HS6ST3: variants seen among roughly 807,000 people sequenced by gnomAD.
HS6ST3 encodes the protein heparan sulfate 6-O-sulfotransferase 3.
A neutral mutation model predicts 36.7 loss-of-function variants in HS6ST3; 12 were observed. The observed-to-expected ratio is 0.33, with a 90% CI of 0.21 to 0.53. The LOEUF is 0.53. HS6ST3 is among the 20% of genes least tolerant of loss of function. HS6ST3 has a pLI of 0.95. For missense variants in HS6ST3, 584 were observed against 640.9 expected, an observed-to-expected ratio of 0.91 and a Z score of 0.96; for synonymous variants, 240 against 257.5, an observed-to-expected ratio of 0.93 and a Z score of 0.65.
chr13:96,708,176 T>C (rs1449554809), intron 1 of HS6ST3, among the ~76,000 whole-genome samples: 43 of 152,220 alleles, frequency 2.8e-4, no homozygotes, highest in Admixed American at 2.7e-3. Flanking sequence ...GGACTCTGGT[T>C]TACATGTTCG....
intron 1 of HS6ST3, among the ~76,000 whole-genome samples, chr13:96,440,820 G>T (rs867047528): frequency 2.6e-4 from 40 of 152,146 alleles, no homozygotes; most frequent in African/African-American, 9.7e-4. Flanking sequence ...TTGACAGTGA[G>T]AAATGCAGAG....
intron 1 of HS6ST3, among the ~76,000 whole-genome samples, chr13:96,652,120 G>T (rs1428559688): frequency 6.6e-6 from 1 of 151,806 alleles, no homozygotes; most frequent in Non-Finnish European, 1.5e-5. Context: ...ACACACATCT[G>T]TGTATAAAAT....
intron 1 of HS6ST3, among the ~76,000 whole-genome samples, chr13:96,174,061 G>A (rs2054201515): frequency 6.6e-6 from 1 of 152,030 alleles, no homozygotes; most frequent in Non-Finnish European, 1.5e-5. Context: ...CAGTTCCTTG[G>A]TGCTCTGGGA....
At chr13:96,404,984 A>G (rs779599038) in intron 1 of HS6ST3, among the ~76,000 whole-genome samples, 12 of 152,162 alleles carry the variant, frequency 7.9e-5, no homozygotes, top group Non-Finnish European at 1.8e-4. Flanking sequence ...GTTTCTCTGC[A>G]CAAGTTCTCC....
intron 1 of HS6ST3, among the ~76,000 whole-genome samples, chr13:96,685,317 A>G (rs1031671278): frequency 4.6e-5 from 7 of 152,126 alleles, no homozygotes; most frequent in African/African-American, 1.4e-4. Context: ...GTTTCTTGTC[A>G]TATAAAATAC....
At chr13:96,391,487 T>A (rs1274401181) in intron 1 of HS6ST3, among the ~76,000 whole-genome samples, 1 of 152,196 alleles carries the variant, frequency 6.6e-6, no homozygotes, top group Non-Finnish European at 1.5e-5. Context: ...CACTTTGCCT[T>A]CTTGCTTCAG....
At chr13:96,275,176 A>C (rs1640615354) in intron 1 of HS6ST3, among the ~76,000 whole-genome samples, 1 of 152,212 alleles carries the variant, frequency 6.6e-6, no homozygotes, top group South Asian at 2.1e-4. Flanking sequence ...AACAGCCTTC[A>C]GGGTCAACAT....
chr13:96,682,995 G>A (rs2056723469), intron 1 of HS6ST3, among the ~76,000 whole-genome samples: 1 of 152,012 alleles, frequency 6.6e-6, no homozygotes, highest in African/African-American at 2.4e-5. Context: ...CAACTTACCT[G>A]CATTGAATGG....
intron 1 of HS6ST3, among the ~76,000 whole-genome samples, chr13:96,211,943 G>A (rs1388275559): frequency 6.6e-6 from 1 of 152,146 alleles, no homozygotes; most frequent in African/African-American, 2.4e-5. Flanking sequence ...GAAAGGATAG[G>A]CAATTTTCTT....
intron 1 of HS6ST3, among the ~76,000 whole-genome samples, chr13:96,823,926 C>A (rs1878596021): frequency 6.6e-6 from 1 of 152,124 alleles, no homozygotes; most frequent in African/African-American, 2.4e-5. Context: ...CTATTTTCTT[C>A]TTTTTTACTG....
intron 1 of HS6ST3, among the ~76,000 whole-genome samples, chr13:96,768,726 A>T (rs184701108): frequency 6.6e-6 from 1 of 152,172 alleles, no homozygotes; most frequent in East Asian, 2.0e-4. Flanking sequence ...AAATGATGCC[A>T]TCGATCCCGT....
intron 1 of HS6ST3, among the ~76,000 whole-genome samples, chr13:96,266,823 A>G (rs2139386110): frequency 6.6e-6 from 1 of 152,290 alleles, no homozygotes; most frequent in African/African-American, 2.4e-5. Flanking sequence ...CATTCCAGCT[A>G]CCAATAAATC....
chr13:96,330,971 G>T (rs1306237554), intron 1 of HS6ST3, among the ~76,000 whole-genome samples: 3 of 151,582 alleles, frequency 2.0e-5, no homozygotes, highest in Admixed American at 1.3e-4. Flanking sequence ...CCAGTTGATC[G>T]CATCGGCTCC....
intron 1 of HS6ST3, among the ~76,000 whole-genome samples, chr13:96,235,594 G>GTT (rs202088131): frequency 2.0e-5 from 3 of 151,808 alleles, no homozygotes; most frequent in African/African-American, 7.3e-5. Flanking sequence ...AGCATGGGTT[G>GTT]TTTTTTTTCC....
chr13:96,205,327 A>G (rs2054364453), intron 1 of HS6ST3, among the ~76,000 whole-genome samples: 1 of 152,192 alleles, frequency 6.6e-6, no homozygotes. Context: ...AAATTGAGAC[A>G]GTAGCAAATA....
intron 1 of HS6ST3, among the ~76,000 whole-genome samples, chr13:96,406,091 G>C (rs1164502428): frequency 6.6e-6 from 1 of 152,184 alleles, no homozygotes. Context: ...AATTGTTTAA[G>C]GATCTGGAAT....
intron 1 of HS6ST3, among the ~76,000 whole-genome samples, chr13:96,325,538 G>A (rs1256137273): frequency 2.0e-5 from 3 of 152,126 alleles, no homozygotes; most frequent in Non-Finnish European, 2.9e-5. Flanking sequence ...ATTGGGCATC[G>A]TAAGTAATCC....
intron 1 of HS6ST3, among the ~76,000 whole-genome samples, chr13:96,582,524 C>T (rs922625245): frequency 5.9e-5 from 9 of 152,092 alleles, no homozygotes; most frequent in East Asian, 5.8e-4. Context: ...TGAGGACTTA[C>T]GGGACAATGA....
At chr13:96,131,040 G>A (rs2053973141) in intron 1 of HS6ST3, among the ~76,000 whole-genome samples, 1 of 152,072 alleles carries the variant, frequency 6.6e-6, no homozygotes, top group Non-Finnish European at 1.5e-5. Flanking sequence ...GGGGTGTCAG[G>A]GACTGCGTGA....
Sources: gnomAD v4.1 joint callset for allele counts (sites outside exome capture counted in the v4.1 genomes callset) on GRCh38, gnomAD v4.1.1 for gene constraint, MANE v1.5 for transcripts, NCBI Gene and HGNC (gene_info 2026-07-23, HGNC 2026-07-21) for gene names.